The following CLNS1A variants were observed in gnomAD, a reference collection of about 807,000 sequenced individuals.
CLNS1A encodes methylosome subunit pICln.
CLNS1A carries 16 observed loss-of-function variants against 29.4 expected under a neutral mutation model. The observed-to-expected ratio is 0.54, with a 90% CI of 0.37 to 0.83. The LOEUF (loss-of-function observed/expected upper bound fraction) is 0.83, where lower values mean the gene tolerates loss of function less well. Ranked by LOEUF, CLNS1A falls within the 40% of genes least tolerant of loss-of-function variation. CLNS1A has a pLI of 0.00. For missense variants in CLNS1A, 235 were observed against 287.4 expected (o/e 0.82, Z 1.32); for synonymous variants, 96 against 104.8 (o/e 0.92, Z 0.51).
At chr11:77,627,060 T>C in intron 2 of CLNS1A, among the ~76,000 whole-genome samples, 1 of 150,912 alleles carries the variant, frequency 6.6e-6, no homozygotes, top group South Asian at 2.1e-4. Flanking sequence ...ACTTAGAGCT[T>C]AGAGAATCAG....
At chr11:77,619,846 G>C (rs537098806) in intron 5 of CLNS1A, 151 bp from the exon 6 acceptor site, 3 of 633,014 alleles carry the variant, frequency 4.7e-6, no homozygotes, top group Non-Finnish European at 8.6e-6. Context: ...GACAAACTGA[G>C]AAAGAAAATG....
Position 77,615,344 on chromosome 11 carries a change from G to A in CLNS1A, c.*1374C>T, listed in dbSNP as rs757713573. ...CTGAAACCCTGCAGCAGTGGGGAGAGTGTGCATGCTTTCTGCTGCTGGTAG... is the reference window on the plus strand; with the variant it reads ...CTGAAACCCTGCAGCAGTGGGGAGAATGTGCATGCTTTCTGCTGCTGGTAG... On this transcript the variant is annotated 3_prime_UTR_variant, in exon 7 of 7. Coordinates refer to ENST00000525428, the MANE Select transcript of CLNS1A (RefSeq NM_001293.3). 4 of 152,168 alleles carry A rather than the reference G, an allele frequency of 2.6e-5. No individual in the cohort carries two copies. Among genetic ancestry groups the A allele is most frequent in the Non-Finnish European group, 4.4e-5 (3 of 68,046 alleles). The allele number at this position is 152,168 out of a possible 1,614,324, so 9.4% of individuals were successfully genotyped here.
chr11:77,635,244 AG>A (rs1959112812), intron 1 of CLNS1A, among the ~76,000 whole-genome samples: 1 of 152,236 alleles, frequency 6.6e-6, no homozygotes, highest in African/African-American at 2.4e-5. Flanking sequence ...CAAATGGCTC[AG>A]AAAAAAAAGA....
intron 1 of CLNS1A, among the ~76,000 whole-genome samples, chr11:77,631,324 CT>C (rs768574905): frequency 0.018 from 2,543 of 140,946 alleles, 26 homozygotes; most frequent in Middle Eastern, 0.026. Context: ...TAATTGTATA[CT>C]TTTTTTTTTT....
intron 6 of CLNS1A, chr11:77,618,555 G>C (rs1958926127): frequency 1.3e-5 from 2 of 152,218 alleles, no homozygotes; most frequent in South Asian, 4.1e-4. Context: ...TTTTCTGATA[G>C]TTCCACTGGC....
chr11:77,618,315 A>C (rs1347044025), intron 6 of CLNS1A, among the ~76,000 whole-genome samples: 1 of 152,236 alleles, frequency 6.6e-6, no homozygotes, highest in Non-Finnish European at 1.5e-5. Flanking sequence ...AAGAATACTG[A>C]AGTTGATATC....
chr11:77,619,248 T>C (rs1444190665), intron 6 of CLNS1A, among the ~76,000 whole-genome samples: 4 of 152,090 alleles, frequency 2.6e-5, no homozygotes, highest in Non-Finnish European at 4.4e-5. Context: ...GAAAAAGAAA[T>C]AGGCCAGATA....
chr11:77,626,368 C>T (rs1008428884), intron 2 of CLNS1A, among the ~76,000 whole-genome samples: 1 of 152,116 alleles, frequency 6.6e-6, no homozygotes, highest in Non-Finnish European at 1.5e-5. Flanking sequence ...TGGCTGGGCA[C>T]GGTGGCTCAC....
chr11:77,628,119 C>T (rs953931952), intron 2 of CLNS1A, among the ~76,000 whole-genome samples: 1 of 152,154 alleles, frequency 6.6e-6, no homozygotes, highest in Non-Finnish European at 1.5e-5. Context: ...CCACTGTGCC[C>T]GGCCTAATGA....
chr11:77,615,003 G>C lies in CLNS1A; in HGVS notation c.*1715C>G, dbSNP rs1422055870. On this transcript the variant is annotated 3_prime_UTR_variant, in exon 7 of 7. Transcript: ENST00000525428. ...TTAGTCTAATGAGGAAATAAGCCCA[G>C]AGAGGTGCCCACATGCTTTGGTCTC... is the stretch of plus-strand genomic sequence containing the variant. The C allele has an allele frequency of 6.6e-6, 1 of 152,160 alleles. No homozygotes were observed. The highest frequency in any genetic ancestry group is 1.5e-5 in the Non-Finnish European group (1 of 68,050). The allele number at this position is 152,160 out of a possible 1,614,324, so 9.4% of individuals were successfully genotyped here.
chr11:77,623,885 A>T (rs993643518), intron 4 of CLNS1A, among the ~76,000 whole-genome samples: 4 of 152,212 alleles, frequency 2.6e-5, no homozygotes, highest in African/African-American at 4.8e-5. Flanking sequence ...GGGGGAGGCA[A>T]TCGGAAAGGG....
At position 77,637,794 on chromosome 11, in the gene CLNS1A, G is replaced by A. The variant is rs147163611; in HGVS notation, c.-80C>T. 212 of 1,444,154 alleles carry A rather than the reference G, an allele frequency of 1.5e-4. No homozygotes were observed. The highest frequency in any genetic ancestry group is 1.9e-4 in the Non-Finnish European group (204 of 1,084,226). The allele number at this position is 1,444,154 out of a possible 1,614,324, so 89.5% of individuals were successfully genotyped here. A position where few individuals can be genotyped will look rare whatever the true frequency, so the allele number is the denominator to read the frequency against. ...GCACCACACCGCCCGCCCTGGAAGA[G>A]GCAGTCACCCCGGAAGAACAACTTA... On this transcript the variant is annotated 5_prime_UTR_variant, in exon 1 of 7. Transcript: ENST00000525428.
In CLNS1A at chr11:77,620,929, C is replaced by G. The variant is rs1043398891; in HGVS notation, c.647-1234G>C. On this transcript the variant is annotated intron_variant, in intron 5 of 6. Transcript: ENST00000525428. ...CCCAGGAGGTGGAGGTTGAAGTAAG[C>G]CAAGATCATGCCACTGCACTCCAGC... Among the ~76,000 whole-genome samples, 5 of 152,036 alleles carry G rather than the reference C, an allele frequency of 3.3e-5. No individual in the cohort carries two copies. The East Asian group carries it at 9.7e-4, about 29-fold the overall frequency.
At chr11:77,636,168 T>G (rs567026170) in intron 1 of CLNS1A, among the ~76,000 whole-genome samples, 1 of 152,202 alleles carries the variant, frequency 6.6e-6, no homozygotes, top group East Asian at 1.9e-4. Flanking sequence ...CCTCCTGGGC[T>G]CAGGTGATCC....
rs184188058 is a variant in CLNS1A, at chr11:77,626,193, C to T, written c.263-375G>A. ...CCTTGCCCTCTCAGGCCCAAGCGAT[C>T]CTCCCACCTCAGCCTACTAAGCAGC... On this transcript the variant is annotated intron_variant, in intron 2 of 6. Coordinates refer to ENST00000525428, the MANE Select transcript of CLNS1A (RefSeq NM_001293.3). Among the ~76,000 whole-genome samples, 1,046 of 152,272 alleles carry T rather than the reference C, an allele frequency of 6.9e-3. 1 individual carries two copies. Among genetic ancestry groups the T allele is most frequent in the Non-Finnish European group, 0.01 (701 of 68,032 alleles).
At position 77,625,028 on chromosome 11, in the gene CLNS1A, T is replaced by C. The variant is rs1279013653; in HGVS notation, c.407A>G (p.His136Arg). 1 of 1,613,946 alleles carries C rather than the reference T, an allele frequency of 6.2e-7. No homozygotes were observed. The highest frequency in any genetic ancestry group is 8.5e-7 in the Non-Finnish European group (1 of 1,179,964). The part of the protein sequence containing the change: ...FTAMCECQAL[H>R]PDPEDEDSDD... Reference sequence around the variant, plus strand: ...TGAATCCTCATCCTCAGGATCTGGATGCAAGGCCTGGCATTCGCACATTGC... The same window carrying C: ...TGAATCCTCATCCTCAGGATCTGGACGCAAGGCCTGGCATTCGCACATTGC... The change falls in exon 4 of 7, where the codon CAT becomes CGT. Residue 136 changes from histidine to arginine, a missense_variant. Physicochemically the swap from His to Arg is conservative, Grantham distance 29. Transcript: ENST00000525428.
chr11:77,635,619 G>T (rs905647858), intron 1 of CLNS1A, among the ~76,000 whole-genome samples: 1 of 152,046 alleles, frequency 6.6e-6, no homozygotes, highest in African/African-American at 2.4e-5. Context: ...CCAAAGTGCT[G>T]GTATTACAGG....
chr11:77,617,367 C>CAA (rs71043593), intron 6 of CLNS1A, among the ~76,000 whole-genome samples: 12,367 of 65,516 alleles, frequency 0.19, 1,200 homozygotes, highest in Non-Finnish European at 0.25. Context: ...AACTCCATCT[C>CAA]AAAAAAAAAA....
chr11:77,637,155 C>G (rs1335715438), intron 1 of CLNS1A, among the ~76,000 whole-genome samples: 1 of 148,418 alleles, frequency 6.7e-6, no homozygotes, highest in Non-Finnish European at 1.5e-5. Flanking sequence ...ATCTGTTCAT[C>G]CGGAAAGACA....
Sources: gnomAD v4.1 joint callset for allele counts (sites outside exome capture counted in the v4.1 genomes callset) on GRCh38, gnomAD v4.1.1 for gene constraint, MANE v1.5 for transcripts, NCBI Gene and HGNC (gene_info 2026-07-23, HGNC 2026-07-21) for gene names.